The following C4orf50 variants were observed in gnomAD, a reference collection of about 807,000 sequenced individuals.
C4orf50 encodes chromosome 4 open reading frame 50, also known as uncharacterized protein C4orf50.
C4orf50 carries 80 observed loss-of-function variants against 77.2 expected under a neutral mutation model. That is an observed-to-expected ratio of 1.04 (90% CI 0.87 to 1.25). C4orf50 has a LOEUF of 1.25. C4orf50 is among the 50% of genes most tolerant of loss of function. The pLI, the probability that C4orf50 is intolerant of heterozygous loss-of-function variation, is 0.00. For synonymous variants in C4orf50, 532 were observed against 465.3 expected, an observed-to-expected ratio of 1.14 and a Z score of -1.84; for missense variants, 1,257 against 1,152.9, an observed-to-expected ratio of 1.09 and a Z score of -1.31.
At chr4:5,955,061 T>C (rs1052546078), downstream of C4orf50, among the ~76,000 whole-genome samples, 3 of 152,148 alleles carry the variant, frequency 2.0e-5, no homozygotes, top group Non-Finnish European at 2.9e-5. This position sits in a 1 kb window ranked among gnomAD's most constrained non-coding sequence, Gnocchi z 5.1. Flanking sequence ...TCTTCAGCTG[T>C]GAGCGTGTCT....
chr4:5,977,271 G>C (rs1360001671), intron 29 of C4orf50, among the ~76,000 whole-genome samples: 1 of 152,148 alleles, frequency 6.6e-6, no homozygotes, highest in Non-Finnish European at 1.5e-5. Flanking sequence ...TGTTGTGTGA[G>C]TTCTTCTAAC....
rs1719848977 is a variant in C4orf50 at position 5,970,543 on chromosome 4, C to T, written c.4105-3081G>A. Among the ~76,000 whole-genome samples, 2 of 152,286 alleles carry T rather than the reference C, an allele frequency of 1.3e-5. No individual in the cohort carries two copies. Among genetic ancestry groups the T allele is most frequent in the South Asian group, 2.1e-4 (1 of 4,822 alleles). Reference sequence around the variant, plus strand: ...GCACAACAGCAGATGCCAGCACAGACAGCGGTGCTGGGACCCGTGGCCCCC... The same window carrying T: ...GCACAACAGCAGATGCCAGCACAGATAGCGGTGCTGGGACCCGTGGCCCCC... On this transcript the variant is annotated intron_variant, in intron 31 of 33. Coordinates refer to ENST00000531445, the Ensembl canonical transcript of C4orf50. This position sits in a 1 kb window ranked among gnomAD's most constrained non-coding sequence, Gnocchi z 4.3.
chr4:5,968,149 A>T (rs1365122277), intron 31 of C4orf50, among the ~76,000 whole-genome samples: 5 of 152,170 alleles, frequency 3.3e-5, no homozygotes, highest in Non-Finnish European at 7.3e-5. Context: ...CTCTTCCTCC[A>T]GGTATAGGAG....
At chr4:5,989,613 C>T (rs1188483862) in exon 28 of C4orf50, 2 of 1,536,026 alleles carry the variant, frequency 1.3e-6, no homozygotes, top group Non-Finnish European at 1.7e-6. Context: ...GGAAACAAGC[C>T]TCCACGTCCT....
chr4:5,989,859 C>T, exon 28 of C4orf50: 1 of 1,459,818 alleles, frequency 6.9e-7, no homozygotes, highest in Non-Finnish European at 9.0e-7. Context: ...GCATCTCATC[C>T]TCTTCCTCTA....
intron 29 of C4orf50, among the ~76,000 whole-genome samples, chr4:5,977,465 T>C (rs781299346): frequency 5.9e-5 from 9 of 152,232 alleles, no homozygotes; most frequent in Non-Finnish European, 1.3e-4. Flanking sequence ...TTTAAAAGAA[T>C]GAGATCACTT....
intron 7 of C4orf50, among the ~76,000 whole-genome samples, chr4:5,925,231 T>A (rs1276626899): frequency 6.7e-6 from 1 of 148,972 alleles, no homozygotes; most frequent in African/African-American, 2.5e-5. Flanking sequence ...GATATGGCGC[T>A]CGGCAAGGGG....
At position 5,928,543 on chromosome 4, in the gene C4orf50, G is replaced by A. The variant is rs192423722; in HGVS notation, c.*2474+28358C>T. 9.9e-5 allele frequency among the ~76,000 whole-genome samples: 15 copies of A among 152,280 alleles called. No individual in the cohort carries two copies. In the East Asian group the frequency reaches 1.7e-3, roughly 18 times the overall value. On this transcript the variant is annotated intron_variant, in intron 7 of 7. Transcript: ENST00000324058. ...TCTGTGTGCTGACAGGGACGGGCAC[G>A]GAGAAGTCGTGATTTCCCATGAGGC...
At chr4:5,914,540 CTG>C (rs1476253171) in intron 7 of C4orf50, among the ~76,000 whole-genome samples, 7 of 152,020 alleles carry the variant, frequency 4.6e-5, no homozygotes, top group Non-Finnish European at 4.4e-5. Flanking sequence ...CTGCTTTTCT[CTG>C]TGTTCTAGTT....
chr4:5,973,607 C>G, intron 31 of C4orf50, 52 bp downstream of exon 9: 2 of 1,457,030 alleles, frequency 1.4e-6, no homozygotes, highest in Admixed American at 1.8e-5. Context: ...ATGCAAGGGA[C>G]GCGCCCACAC....
intron 7 of C4orf50, among the ~76,000 whole-genome samples, chr4:5,945,092 G>A (rs926790394): frequency 6.6e-5 from 10 of 152,198 alleles, no homozygotes; most frequent in African/African-American, 2.4e-4. Context: ...CTCTAGCACT[G>A]GAGCGTGCAT....
intron 7 of C4orf50, among the ~76,000 whole-genome samples, chr4:5,931,531 C>A (rs979170537): frequency 6.6e-6 from 1 of 152,162 alleles, no homozygotes; most frequent in Non-Finnish European, 1.5e-5. Context: ...GCAGCCCTGG[C>A]GAGGCTGAGC....
chr4:6,003,600 GTGATGGTGATGATGGTGATGGTGGTGA>G (rs1287258974), intron 25 of C4orf50, among the ~76,000 whole-genome samples: 1 of 142,982 alleles, frequency 7.0e-6, no homozygotes, highest in Non-Finnish European at 1.5e-5. Context: ...GTTGATGGTG[GTGATGGTGATGATGGTGATGGTGGTGA>G]TGACGGTGAT....
At chr4:5,973,897 C>T (rs1004248871) in intron 30 of C4orf50, 56 bp from the exon 9 acceptor site, 91 of 1,426,748 alleles carry the variant, frequency 6.4e-5, no homozygotes, top group Non-Finnish European at 8.4e-5. Context: ...CATGGCTGAG[C>T]TGGAGGGCTG....
chr4:5,958,991 G>A lies in C4orf50; in HGVS notation c.*384C>T. ...TTGTAGGACATTTCATAGCATCCCTGGCCTCTACCCACCAGATGCCAGTAG... is the reference window on the plus strand; with the variant it reads ...TTGTAGGACATTTCATAGCATCCCTAGCCTCTACCCACCAGATGCCAGTAG... On this transcript the variant is annotated 3_prime_UTR_variant, in exon 34 of 34. Transcript: ENST00000531445. This position sits in a 1 kb window ranked among gnomAD's most constrained non-coding sequence, Gnocchi z 5.4. The A allele has an allele frequency of 4.9e-6, 1 of 205,866 alleles. No individual in the cohort carries two copies. Among genetic ancestry groups the A allele is most frequent in the Non-Finnish European group, 1.0e-5 (1 of 100,234 alleles). 12.8% of individuals were successfully genotyped at this position (205,866 alleles called of 1,614,324 possible).
chr4:6,004,740 A>T (rs1722174079), intron 25 of C4orf50, among the ~76,000 whole-genome samples: 1 of 146,120 alleles, frequency 6.8e-6, no homozygotes, highest in South Asian at 2.3e-4. Flanking sequence ...GATAGTGATG[A>T]TGGTGATGAT....
chr4:5,977,188 G>A (rs1392909239), intron 29 of C4orf50, among the ~76,000 whole-genome samples: 1 of 152,176 alleles, frequency 6.6e-6, no homozygotes, highest in Non-Finnish European at 1.5e-5. Flanking sequence ...CATGCCCACT[G>A]ATCCCCTGGA....
chr4:5,961,102 G>T (rs1223356254), intron 33 of C4orf50, among the ~76,000 whole-genome samples: 1 of 152,224 alleles, frequency 6.6e-6, no homozygotes, highest in Non-Finnish European at 1.5e-5. Context: ...ACAATGCATA[G>T]ATTTATTTTA....
At chr4:5,977,530 C>A (rs1430188797) in intron 29 of C4orf50, among the ~76,000 whole-genome samples, 1 of 152,124 alleles carries the variant, frequency 6.6e-6, no homozygotes, top group Non-Finnish European at 1.5e-5. Context: ...TAGAAACTGA[C>A]CTCATTCTTT....
Sources: gnomAD v4.1 joint callset for allele counts (sites outside exome capture counted in the v4.1 genomes callset) on GRCh38, gnomAD v4.1.1 for gene constraint, Gnocchi (gnomAD v3.1) non-coding constraint, MANE v1.5 for transcripts, NCBI Gene and HGNC (gene_info 2026-07-23, HGNC 2026-07-21) for gene names.